The following PVR variants were observed in gnomAD, a reference collection of about 807,000 sequenced individuals.
PVR encodes PVR cell adhesion molecule.
PVR carries 39 observed loss-of-function variants against 43.3 expected under a neutral mutation model. That is an observed-to-expected ratio of 0.90 (90% CI 0.70 to 1.18). The LOEUF is 1.18. Among genes scored for constraint, PVR ranks in the 50% most tolerant of loss-of-function variants. PVR has a pLI of 0.00. For missense variants in PVR, 480 were observed against 549.7 expected (o/e 0.87, Z 1.27); for synonymous variants, 224 against 233.2 (o/e 0.96, Z 0.36).
chr19:44,650,309 T>C (rs1973245770), intron 3 of PVR, among the ~76,000 whole-genome samples: 1 of 152,146 alleles, frequency 6.6e-6, no homozygotes, highest in South Asian at 2.1e-4. Flanking sequence ...TACACCAGTT[T>C]ACTTGGGCCA....
Position 44,650,112 on chromosome 19 carries a change from G to A in PVR, c.724+7G>A, listed in dbSNP as rs538434899. ...GTGAACCTCACCGTGTACTGTGAGT[G>A]TGCCCAAGTCAGCGATGGCAAGAAC... On this transcript the variant is annotated splice_region_variant and intron_variant, in intron 3 of 7. Coordinates refer to ENST00000425690, the MANE Select transcript of PVR (RefSeq NM_006505.5). The A allele has an allele frequency of 5.9e-6, 9 of 1,514,858 alleles. No homozygotes were observed. The South Asian group carries it at 1.2e-4, about 20-fold the overall frequency. The allele number at this position is 1,514,858 out of a possible 1,614,324, so 93.8% of individuals were successfully genotyped here. A position where few individuals can be genotyped will look rare whatever the true frequency, so the allele number is the denominator to read the frequency against.
At chr19:44,647,077 T>TACC in intron 1 of PVR, 146 bp from the exon 2 acceptor site, 4 of 311,374 alleles carry the variant, frequency 1.3e-5, no homozygotes, top group Non-Finnish European at 2.3e-5. Flanking sequence ...GTGCCCCAGT[T>TACC]CCCCCTCCCC....
intron 6 of PVR, among the ~76,000 whole-genome samples, chr19:44,660,249 C>G (rs545546797): frequency 3.3e-5 from 5 of 152,280 alleles, no homozygotes; most frequent in Admixed American, 3.3e-4. Context: ...TTCAATGTGT[C>G]AGCTCCAGAG....
In PVR at chr19:44,656,791, G is replaced by A. The variant is rs568736456; in HGVS notation, c.843-971G>A. On this transcript the variant is annotated intron_variant, in intron 4 of 7. Coordinates refer to ENST00000425690, the MANE Select transcript of PVR (RefSeq NM_006505.5). Reference sequence around the variant, plus strand: ...TCAAGACCAGCCTGGCCAACATGGCGAAACCCCATCTCTACCAAAAAAGAT... The same window carrying A: ...TCAAGACCAGCCTGGCCAACATGGCAAAACCCCATCTCTACCAAAAAAGAT... Among the ~76,000 whole-genome samples the A allele has an allele frequency of 3.9e-5, 6 of 152,126 alleles. No homozygotes were observed. In the South Asian group the frequency reaches 1.2e-3, roughly 32 times the overall value.
chr19:44,653,636 A>C, intron 3 of PVR: 1 of 394,354 alleles, frequency 2.5e-6, no homozygotes, highest in South Asian at 4.6e-5. Context: ...CAGGACACCC[A>C]AGACATGCCT....
chr19:44,644,969 A>T (rs996049958), intron 1 of PVR, among the ~76,000 whole-genome samples: 7 of 129,346 alleles, frequency 5.4e-5, no homozygotes, highest in Admixed American at 9.9e-5. Context: ...ATTATATATT[A>T]TTATTATATA....
intron 6 of PVR, among the ~76,000 whole-genome samples, chr19:44,660,810 C>T (rs1325736374): frequency 1.3e-5 from 2 of 151,952 alleles, no homozygotes; most frequent in Admixed American, 1.3e-4. Context: ...AGGTGTGAGC[C>T]ACCACGCCTG....
chr19:44,661,921 C>G lies in PVR; in HGVS notation c.*110C>G, dbSNP rs1599777448. The G allele has an allele frequency of 1.4e-5, 15 of 1,037,434 alleles. No individual in the cohort carries two copies. The East Asian group carries it at 3.8e-4, about 26-fold the overall frequency. 64.3% of individuals were successfully genotyped at this position (1,037,434 alleles called of 1,614,324 possible). ...ACCCCCTCCAAAGAGACCAGCCTCC[C>G]TCCCTGTGCCAGACCTCAAAACGAC... On this transcript the variant is annotated 3_prime_UTR_variant, in exon 8 of 8. Coordinates refer to ENST00000425690, the MANE Select transcript of PVR (RefSeq NM_006505.5).
chr19:44,659,250 G>A (rs1649348987), intron 6 of PVR, among the ~76,000 whole-genome samples: 2 of 152,076 alleles, frequency 1.3e-5, no homozygotes, highest in South Asian at 4.1e-4. Context: ...AGGAGGAGGT[G>A]GCAGGAACTG....
chr19:44,649,983 C>G lies in PVR; in HGVS notation c.602C>G (p.Thr201Ser). The change falls in exon 3 of 8, where the codon ACT becomes AGT. Residue 201 changes from threonine (T) to serine (S), a missense_variant. Thr to Ser is a moderately conservative substitution (Grantham distance 58, BLOSUM62 1). Coordinates refer to ENST00000425690, the MANE Select transcript of PVR (RefSeq NM_006505.5). ...QVPGFLSGTV[T>S]VTSLWILVPS... Reference sequence around the variant, plus strand: ...CCAGGGTTCCTGTCTGGCACAGTCACTGTCACCAGCCTCTGGATATTGGTG... The same window carrying G: ...CCAGGGTTCCTGTCTGGCACAGTCAGTGTCACCAGCCTCTGGATATTGGTG... The G allele has an allele frequency of 6.2e-7, 1 of 1,607,796 alleles. No individual in the cohort carries two copies. Among genetic ancestry groups the G allele is most frequent in the Non-Finnish European group, 8.5e-7 (1 of 1,175,950 alleles).
chr19:44,654,119 GC>G, intron 4 of PVR, 102 bp downstream of exon 4: 1 of 995,026 alleles, frequency 1.0e-6, no homozygotes, highest in South Asian at 1.5e-5. Context: ...GGGAGAAGGG[GC>G]TGGGGGCCCG....
chr19:44,645,415 G>GTA (rs71171276), intron 1 of PVR, among the ~76,000 whole-genome samples: 4,058 of 83,674 alleles, frequency 0.048, 104 homozygotes, highest in East Asian at 0.055. Flanking sequence ...TATGTTTTGT[G>GTA]TATATATATA....
In PVR at chr19:44,662,228, G is replaced by A. The variant is rs1193256473; in HGVS notation, c.*417G>A. On this transcript the variant is annotated 3_prime_UTR_variant, in exon 8 of 8. Transcript: ENST00000425690. Reference sequence around the variant, plus strand: ...GAAGTACTGCCAATACTGCCAACCAGAGCAGCTCACTCGAGATCTTTGTGT... The same window carrying A: ...GAAGTACTGCCAATACTGCCAACCAAAGCAGCTCACTCGAGATCTTTGTGT... 1.1e-5 allele frequency: 2 copies of A among 188,644 alleles called. No individual in the cohort carries two copies. Among genetic ancestry groups the A allele is most frequent in the Admixed American group, 1.1e-4 (2 of 18,860 alleles). The allele number at this position is 188,644 out of a possible 1,614,324, so 11.7% of individuals were successfully genotyped here.
Position 44,651,776 on chromosome 19 carries a change from A to G in PVR, c.724+1671A>G, listed in dbSNP as rs557702111. Among the ~76,000 whole-genome samples the G allele has an allele frequency of 2.0e-4, 30 of 152,230 alleles. 1 individual carries two copies. The South Asian group carries it at 6.0e-3, about 31-fold the overall frequency. On this transcript the variant is annotated intron_variant, in intron 3 of 7. Coordinates refer to ENST00000425690, the MANE Select transcript of PVR (RefSeq NM_006505.5). ...ATTTATCTCCACTGACAGCCCCAGG[A>G]CTCTCTAACCAGTGCTGTCTAACAG...
chr19:44,654,378 T>C (rs1027159901), intron 4 of PVR, among the ~76,000 whole-genome samples: 3 of 152,094 alleles, frequency 2.0e-5, no homozygotes, highest in African/African-American at 7.2e-5. Context: ...AGGAGGGAGA[T>C]TCAGAAAAGA....
intron 1 of PVR, among the ~76,000 whole-genome samples, chr19:44,645,286 TAATA>T (rs1465863987): frequency 9.1e-6 from 1 of 110,182 alleles, no homozygotes; most frequent in South Asian, 2.3e-4. Context: ...ATATATTTCT[TAATA>T]AATATATATT....
At chr19:44,657,183 A>G (rs1344838387) in intron 4 of PVR, among the ~76,000 whole-genome samples, 2 of 152,200 alleles carry the variant, frequency 1.3e-5, no homozygotes, top group Non-Finnish European at 2.9e-5. Context: ...CAGTCCCTGC[A>G]TAAGCAAACA....
At chr19:44,650,170 T>C in intron 3 of PVR, 65 bp downstream of exon 3, 1 of 1,437,892 alleles carries the variant, frequency 7.0e-7, no homozygotes, top group Non-Finnish European at 9.2e-7. Flanking sequence ...CTGTCTACAC[T>C]GACTCCCCAA....
intron 4 of PVR, among the ~76,000 whole-genome samples, chr19:44,657,289 A>C (rs1973471001): frequency 6.6e-6 from 1 of 152,218 alleles, no homozygotes; most frequent in African/African-American, 2.4e-5. Context: ...AAACGTGGGC[A>C]GAGGTAGCAG....
Sources: allele counts gnomAD v4.1 joint callset (sites outside exome capture counted in the v4.1 genomes callset), GRCh38; gene constraint gnomAD v4.1.1; transcripts MANE v1.5; gene names NCBI Gene and HGNC (gene_info 2026-07-23, HGNC 2026-07-21).